EP300: variants seen among roughly 807,000 people sequenced by gnomAD.
EP300 encodes histone acetyltransferase p300.
A neutral mutation model predicts 264.0 loss-of-function variants in EP300; 31 were observed. That is an observed-to-expected ratio of 0.12 (90% CI 0.09 to 0.16). The LOEUF (loss-of-function observed/expected upper bound fraction) is 0.16, where lower values mean the gene tolerates loss of function less well. EP300 is among the 10% of genes least tolerant of loss of function. EP300 has a pLI of 1.00. For synonymous variants in EP300, 1,340 were observed against 1,045.4 expected (o/e 1.28, Z -5.44); for missense variants, 2,766 against 3,052.9 (o/e 0.91, Z 2.21).
At chr22:41,147,303 C>CAAAA (rs11306415) in intron 11 of EP300, among the ~76,000 whole-genome samples, 8 of 123,148 alleles carry the variant, frequency 6.5e-5, no homozygotes, top group African/African-American at 2.7e-4. Flanking sequence ...GACTTCGTCT[C>CAAAA]AAAAAAAAAA....
In EP300 at chr22:41,106,990, T is replaced by C. The variant is rs138022706; in HGVS notation, c.95-10197T>C. On this transcript the variant is annotated intron_variant, in intron 1 of 30. Coordinates refer to ENST00000263253, the MANE Select transcript of EP300 (RefSeq NM_001429.4). ...AGCGTGATCTCGGCTTACTGCAACC[T>C]CCGCCTCCAAGGTTCGGGTGATTCT... Among the ~76,000 whole-genome samples, 742 of 152,236 alleles carry C rather than the reference T, an allele frequency of 4.9e-3. 4 individuals are homozygous for C. Among genetic ancestry groups the C allele is most frequent in the Middle Eastern group, 0.01 (3 of 294 alleles).
chr22:41,134,742 G>C (rs1231196675), intron 6 of EP300, among the ~76,000 whole-genome samples: 2 of 152,178 alleles, frequency 1.3e-5, no homozygotes, highest in Admixed American at 6.5e-5. Flanking sequence ...AGCAGGACTA[G>C]GAAAAGGGAT....
At chr22:41,126,429 A>C (rs2058883026) in intron 3 of EP300, 1 of 191,834 alleles carries the variant, frequency 5.2e-6, no homozygotes, top group African/African-American at 2.3e-5. Flanking sequence ...ATATTATTTG[A>C]TTCTACTACA....
chr22:41,139,024 G>A (rs2058967709), intron 8 of EP300, among the ~76,000 whole-genome samples: 1 of 151,858 alleles, frequency 6.6e-6, no homozygotes, highest in South Asian at 2.1e-4. Context: ...ATCTCGGCTG[G>A]CTACTGCAAC....
intron 16 of EP300, among the ~76,000 whole-genome samples, chr22:41,154,451 G>C (rs2059065367): frequency 7.4e-6 from 1 of 134,310 alleles, no homozygotes; most frequent in African/African-American, 2.8e-5. Context: ...GCGCCATCTC[G>C]GCTCACTGCA....
At chr22:41,168,694 GGT>G in intron 24 of EP300, 25 bp from the exon 25 acceptor site, 1 of 1,614,208 alleles carries the variant, frequency 6.2e-7, no homozygotes, top group South Asian at 1.1e-5. Context: ...GTTATGTTGT[GGT>G]TCCCCCACCA....
In EP300 at chr22:41,173,690, G is replaced by A. The variant is rs1266606478; in HGVS notation, c.4685G>A (p.Ser1562Asn). 1 of 1,614,192 alleles carries A rather than the reference G, an allele frequency of 6.2e-7. No homozygotes were observed. The highest frequency in any genetic ancestry group is 8.5e-7 in the Non-Finnish European group (1 of 1,180,040). The change falls in exon 29 of 31, where the codon AGC becomes AAC. Residue 1562 changes from serine to asparagine, a missense_variant. Transcript: ENST00000263253. ...AAGAAAACCAGCAAAAATAAGAGCA[G>A]CCTGAGTAGGGGCAACAAGAAGAAA... ...NNKKTSKNKSSLSRGNKKKPG... is the reference protein window; with the variant it reads ...NNKKTSKNKSNLSRGNKKKPG...
At chr22:41,169,409 G>GA in intron 25 of EP300, 94 bp from the exon 26 acceptor site, 2 of 798,468 alleles carry the variant, frequency 2.5e-6, no homozygotes. Flanking sequence ...AAGAGCCTGG[G>GA]AGAGTGAGAG....
chr22:41,141,337 C>G, intron 10 of EP300, 115 bp downstream of exon 10: 3 of 1,180,552 alleles, frequency 2.5e-6, no homozygotes, highest in East Asian at 5.0e-5. Context: ...TTTAAATAAC[C>G]ATTTGCCTTT....
intron 3 of EP300, among the ~76,000 whole-genome samples, chr22:41,126,714 C>T (rs917258970): frequency 6.9e-6 from 1 of 144,378 alleles, no homozygotes; most frequent in African/African-American, 2.6e-5. Flanking sequence ...TCATCTCTGT[C>T]CCGAGAAATG....
At position 41,126,729 on chromosome 22, in the gene EP300, C is replaced by CTTTTTTTTT. The variant is rs71328775; in HGVS notation, c.906+713_906+721dup. Among the ~76,000 whole-genome samples the CTTTTTTTTT allele has an allele frequency of 4.7e-3, 231 of 48,828 alleles. 52 individuals are homozygous for CTTTTTTTTT. Among genetic ancestry groups the CTTTTTTTTT allele is most frequent in the Non-Finnish European group, 5.1e-3 (149 of 29,214 alleles). The allele number at this position is 48,828 out of a possible 152,430, so 32.0% of individuals were successfully genotyped here. A position where few individuals can be genotyped will look rare whatever the true frequency, so the allele number is the denominator to read the frequency against. ...TCATCTCTGTCCCGAGAAATGTTCA[C>CTTTTTTTTT]TTTTTTTTTTTTTTTTTTTTTTTTT... is the stretch of plus-strand genomic sequence containing the variant. On this transcript the variant is annotated intron_variant, in intron 3 of 30. Coordinates refer to ENST00000263253, the MANE Select transcript of EP300 (RefSeq NM_001429.4).
At position 41,167,826 on chromosome 22, in the gene EP300, G is replaced by GTT. The variant is rs1192332279; in HGVS notation, c.3875-599_3875-598dup. Among the ~76,000 whole-genome samples, 244 of 32,144 alleles carry GTT rather than the reference G, an allele frequency of 7.6e-3. 6 individuals carry two copies. The highest frequency in any genetic ancestry group is 0.029 in the Middle Eastern group (1 of 34). The allele number at this position is 32,144 out of a possible 152,430, so 21.1% of individuals were successfully genotyped here. ...TCTGTTTGTTTTTGTTTTTTTTTTT[G>GTT]TTTTTTTTTTTTTTTTTTTTTTTTT... On this transcript the variant is annotated intron_variant, in intron 23 of 30. Coordinates refer to ENST00000263253, the MANE Select transcript of EP300 (RefSeq NM_001429.4).
At chr22:41,129,610 G>T (rs1233105129) in intron 4 of EP300, among the ~76,000 whole-genome samples, 6 of 152,172 alleles carry the variant, frequency 3.9e-5, no homozygotes, top group Admixed American at 3.9e-4. Context: ...AATAAAGTAG[G>T]TTGTGTATAG....
chr22:41,123,539 G>A (rs2058863911), intron 2 of EP300, among the ~76,000 whole-genome samples: 1 of 152,186 alleles, frequency 6.6e-6, no homozygotes, highest in South Asian at 2.1e-4. Context: ...AGGAATACAT[G>A]GGAAGGGTTT....
At chr22:41,158,560 G>A (rs958598602) in intron 19 of EP300, 60 bp downstream of exon 19, 66 of 1,322,312 alleles carry the variant, frequency 5.0e-5, no homozygotes, top group African/African-American at 2.6e-4. Flanking sequence ...GAGTGCATGC[G>A]GATGGGCCAG....
rs907070775 is a variant in EP300 at position 41,176,125 on chromosome 22, TGGGATAATTGCTTGA to T, written c.4780-120_4780-106del. 3.5e-4 allele frequency: 389 copies of T among 1,124,282 alleles called. 3 individuals carry two copies. Among genetic ancestry groups the T allele is most frequent in the South Asian group, 1.4e-3 (105 of 73,614 alleles). 69.6% of individuals were successfully genotyped at this position (1,124,282 alleles called of 1,614,324 possible). On this transcript the variant is annotated intron_variant, in intron 29 of 30. Coordinates refer to ENST00000263253, the MANE Select transcript of EP300 (RefSeq NM_001429.4). ...GTCTCAGCTATTCAGGAGGCCATGGTGGGATAATTGCTTGAGCCCAGGAGGCAGAGGTTGTAGTGA... is the reference window on the plus strand; with the variant it reads ...GTCTCAGCTATTCAGGAGGCCATGGTGCCCAGGAGGCAGAGGTTGTAGTGA...
chr22:41,167,150 T>C (rs749747819), intron 23 of EP300, among the ~76,000 whole-genome samples: 8 of 152,176 alleles, frequency 5.3e-5, no homozygotes, highest in Non-Finnish European at 1.0e-4. Context: ...GGCATGTGCC[T>C]CCACACCCAG....
intron 4 of EP300, among the ~76,000 whole-genome samples, chr22:41,129,253 C>T (rs989710667): frequency 2.6e-5 from 4 of 152,066 alleles, no homozygotes; most frequent in Admixed American, 6.6e-5. Flanking sequence ...CCTCGTGATC[C>T]GCCCGCCTCG....
intron 1 of EP300, among the ~76,000 whole-genome samples, chr22:41,102,770 G>C (rs2058738403): frequency 6.6e-6 from 1 of 152,150 alleles, no homozygotes; most frequent in Non-Finnish European, 1.5e-5. Context: ...CTTGGTGACT[G>C]ATTAGAAGTT....
Sources: gnomAD v4.1 joint callset for allele counts (sites outside exome capture counted in the v4.1 genomes callset) on GRCh38, gnomAD v4.1.1 for gene constraint, MANE v1.5 for transcripts, NCBI Gene and HGNC (gene_info 2026-07-23, HGNC 2026-07-21) for gene names.